The following TENM1 variants were observed in gnomAD, a reference collection of about 807,000 sequenced individuals.
TENM1 encodes teneurin transmembrane protein 1, also known as teneurin-1.
In TENM1, 35 loss-of-function variants were observed where a neutral mutation model predicts 174.8. That is an observed-to-expected ratio of 0.20 (90% CI 0.15 to 0.27). The LOEUF is 0.27. Ranked by LOEUF, TENM1 falls within the 10% of genes least tolerant of loss-of-function variation. The pLI is 1.00. For synonymous variants in TENM1, 781 were observed against 798.7 expected, an observed-to-expected ratio of 0.98 and a Z score of 0.37; for missense variants, 1,633 against 2,130.1, an observed-to-expected ratio of 0.77 and a Z score of 4.59.
At chrX:125,183,485 C>A in the TENM1 span, among the ~76,000 whole-genome samples, 1 of 111,828 alleles carries the variant, frequency 8.9e-6, no homozygotes, top group African/African-American at 3.3e-5. Flanking sequence ...AGATTGAAAG[C>A]ATTGGAGTCT....
Position 124,480,310 on chromosome X carries a change from C to G in TENM1, c.3949+1422G>C, listed in dbSNP as rs1402073247. Among the ~76,000 whole-genome samples, 3 of 111,934 alleles carry G rather than the reference C, an allele frequency of 2.7e-5. No individual in the cohort carries two copies. In the East Asian group the frequency reaches 8.4e-4, roughly 31 times the overall value. On this transcript the variant is annotated intron_variant, in intron 22 of 31. Coordinates refer to ENST00000422452, the Ensembl canonical transcript of TENM1. ...TCAGATTTAATGGTATGGGGTTAGC[C>G]AGAGGGGCTTTATAAAAGACAAAGG...
At chrX:124,874,833 T>C (rs1286954514) in intron 3 of TENM1, among the ~76,000 whole-genome samples, 1 of 111,464 alleles carries the variant, frequency 9.0e-6, no homozygotes, top group African/African-American at 3.3e-5. Context: ...ATCTTTATCA[T>C]ATACTGTACT....
the TENM1 span, among the ~76,000 whole-genome samples, chrX:125,115,589 C>G: frequency 9.0e-6 from 1 of 110,911 alleles, no homozygotes; most frequent in Admixed American, 9.6e-5. Flanking sequence ...TCCAATACAC[C>G]AATAATAGAA....
At chrX:124,460,204 T>G (rs921415743) in intron 22 of TENM1, among the ~76,000 whole-genome samples, 2 of 111,729 alleles carry the variant, frequency 1.8e-5, no homozygotes, top group African/African-American at 6.5e-5. Context: ...GAAATACCAT[T>G]GGACCCAGCA....
intron 3 of TENM1, among the ~76,000 whole-genome samples, chrX:124,836,790 A>G (rs771613552): frequency 1.8e-5 from 2 of 112,621 alleles, no homozygotes; most frequent in East Asian, 5.7e-4. Flanking sequence ...TTAAGAAAAC[A>G]AACAGCCTCC....
chrX:124,951,525 A>C (rs1376486504), intron 1 of TENM1, among the ~76,000 whole-genome samples: 2 of 108,277 alleles, frequency 1.8e-5, no homozygotes, highest in Non-Finnish European at 3.8e-5. Flanking sequence ...GTTAACTGCA[A>C]AGGGTTATGA....
the TENM1 span, among the ~76,000 whole-genome samples, chrX:125,053,355 C>T: frequency 2.7e-5 from 3 of 111,660 alleles, no homozygotes; most frequent in African/African-American, 9.8e-5. Flanking sequence ...TAAGCTTGAG[C>T]AAGTTATTGA....
intron 4 of TENM1, among the ~76,000 whole-genome samples, chrX:124,715,858 C>A (rs1199973898): frequency 9.0e-6 from 1 of 110,682 alleles, no homozygotes; most frequent in Non-Finnish European, 1.9e-5. Flanking sequence ...TTTTCTGTAT[C>A]ATTTATTTTT....
chrX:124,503,660 G>A (rs2047380984), exon 19 of TENM1: 1 of 1,205,533 alleles, frequency 8.3e-7, no homozygotes, highest in East Asian at 3.0e-5. Flanking sequence ...TTTGCTCCCA[G>A]AGAATAAAGT....
Position 124,452,067 on chromosome X carries a change from C to A in TENM1, c.4104+1270G>T, listed in dbSNP as rs777497631. 2.7e-5 allele frequency among the ~76,000 whole-genome samples: 3 copies of A among 112,221 alleles called. No homozygotes were observed. The Admixed American group carries it at 2.8e-4, about 11-fold the overall frequency. On this transcript the variant is annotated intron_variant, in intron 23 of 31. Transcript: ENST00000422452. Reference sequence around the variant, plus strand: ...AGCTTCTGCACAGCAAAAGAAACTACCATCAGAGTGAACAGGCAACCTACA... The same window carrying A: ...AGCTTCTGCACAGCAAAAGAAACTAACATCAGAGTGAACAGGCAACCTACA...
intron 3 of TENM1, among the ~76,000 whole-genome samples, chrX:124,812,849 A>G (rs2055814488): frequency 9.0e-6 from 1 of 111,414 alleles, no homozygotes; most frequent in South Asian, 3.7e-4. Context: ...CTACAGCCCA[A>G]ATGAGCCAGC....
At chrX:124,472,706 T>C (rs1260497162) in intron 22 of TENM1, among the ~76,000 whole-genome samples, 2 of 111,088 alleles carry the variant, frequency 1.8e-5, no homozygotes, top group Non-Finnish European at 3.8e-5. Flanking sequence ...GAAGCTAAAA[T>C]GATCTTTTAT....
intron 11 of TENM1, among the ~76,000 whole-genome samples, chrX:124,608,674 GCAAA>G (rs1372786781): frequency 9.0e-6 from 1 of 111,063 alleles, no homozygotes; most frequent in Non-Finnish European, 1.9e-5. Context: ...TCTAATTTGT[GCAAA>G]CATTGATCTG....
chrX:124,380,585 C>T (rs1267905368), exon 32 of TENM1: 1 of 1,210,149 alleles, frequency 8.3e-7, no homozygotes, highest in South Asian at 1.8e-5. Context: ...ATTATTGGCA[C>T]TGTCAGAAAG....
chrX:124,793,291 G>T (rs905318341), intron 3 of TENM1, among the ~76,000 whole-genome samples: 2 of 111,066 alleles, frequency 1.8e-5, no homozygotes, highest in Non-Finnish European at 3.8e-5. Flanking sequence ...GGGGCAAAGG[G>T]CTAAGAAATA....
chrX:124,504,211 A>G (rs1019864876), intron 18 of TENM1, among the ~76,000 whole-genome samples: 1 of 112,215 alleles, frequency 8.9e-6, no homozygotes, highest in African/African-American at 3.2e-5. Flanking sequence ...TGCCCAATTT[A>G]TGTTTTCCTG....
intron 3 of TENM1, among the ~76,000 whole-genome samples, chrX:124,846,027 G>A (rs1296925916): frequency 1.8e-5 from 2 of 110,782 alleles, no homozygotes; most frequent in Non-Finnish European, 3.8e-5. Context: ...CTTCGTGGCA[G>A]TAGTACAAAT....
chrX:124,995,272 T>G, the TENM1 span, among the ~76,000 whole-genome samples: 1 of 111,162 alleles, frequency 9.0e-6, no homozygotes, highest in Admixed American at 9.6e-5. Flanking sequence ...ATAATACAGT[T>G]TATATGTGTA....
intron 1 of TENM1, among the ~76,000 whole-genome samples, chrX:124,956,084 G>C (rs775893650): frequency 4.5e-5 from 5 of 111,706 alleles, no homozygotes; most frequent in African/African-American, 9.7e-5. Flanking sequence ...CCTTACTTCC[G>C]GTCTGTTGTT....
Sources: gnomAD v4.1 joint callset for allele counts (sites outside exome capture counted in the v4.1 genomes callset) on GRCh38, gnomAD v4.1.1 for gene constraint, MANE v1.5 for transcripts, NCBI Gene and HGNC (gene_info 2026-07-23, HGNC 2026-07-21) for gene names.